The following LGSN variants were observed in gnomAD, a reference collection of about 807,000 sequenced individuals.
LGSN encodes the protein lengsin.
A neutral mutation model predicts 19.5 loss-of-function variants in LGSN; 21 were observed. That is an observed-to-expected ratio of 1.07 (90% CI 0.76 to 1.55). The LOEUF is 1.55. Ranked by LOEUF, LGSN falls within the 40% of genes most tolerant of loss-of-function variation. LGSN has a pLI of 0.00. For synonymous variants in LGSN, 257 were observed against 215.6 expected, an observed-to-expected ratio of 1.19 and a Z score of -1.68; for missense variants, 673 against 608.5, an observed-to-expected ratio of 1.11 and a Z score of -1.12.
chr6:63,546,667 T>C, the LGSN span, among the ~76,000 whole-genome samples: 24 of 152,012 alleles, frequency 1.6e-4, no homozygotes, highest in African/African-American at 5.6e-4. Context: ...GATCGTGCCA[T>C]TGTACTCCAG....
chr6:63,502,350 C>A, the LGSN span, among the ~76,000 whole-genome samples: 3 of 152,258 alleles, frequency 2.0e-5, no homozygotes, highest in Admixed American at 6.5e-5. Flanking sequence ...ATGCCAACTG[C>A]TTACCTGCTA....
At chr6:63,510,629 G>C in the LGSN span, among the ~76,000 whole-genome samples, 11 of 146,050 alleles carry the variant, frequency 7.5e-5, no homozygotes, top group Admixed American at 4.8e-4. Context: ...ACAGAAATAA[G>C]CAAAACATGT....
At chr6:63,461,605 C>T in the LGSN span, among the ~76,000 whole-genome samples, 2 of 152,146 alleles carry the variant, frequency 1.3e-5, no homozygotes, top group African/African-American at 4.8e-5. Context: ...TGATGACCAC[C>T]TCCAGAAGAG....
the LGSN span, chr6:63,572,593 G>GCCACCGCCGCTCCGCCACGA: frequency 9.6e-6 from 4 of 417,416 alleles, no homozygotes; most frequent in East Asian, 3.5e-5. Context: ...CTGCATCGCC[G>GCCACCGCCGCTCCGCCACGA]CCACCGCCGC....
upstream of LGSN, among the ~76,000 whole-genome samples, chr6:63,324,013 T>C (rs1769166167): frequency 6.6e-6 from 1 of 152,184 alleles, no homozygotes; most frequent in Non-Finnish European, 1.5e-5. Flanking sequence ...CCTCAGGTGA[T>C]CCACCTGCCT....
At chr6:63,292,365 G>C (rs975482148) in intron 2 of LGSN, among the ~76,000 whole-genome samples, 1 of 152,188 alleles carries the variant, frequency 6.6e-6, no homozygotes, top group Non-Finnish European at 1.5e-5. Context: ...GTGTACTAAA[G>C]GATTTAACCT....
chr6:63,486,820 T>TA, the LGSN span, among the ~76,000 whole-genome samples: 5 of 146,170 alleles, frequency 3.4e-5, no homozygotes, highest in African/African-American at 7.6e-5. Flanking sequence ...GTATGTTTAT[T>TA]TTATTATTAT....
At chr6:63,480,241 A>G in the LGSN span, 1 of 219,566 alleles carries the variant, frequency 4.6e-6, no homozygotes, top group Non-Finnish European at 1.0e-5. Flanking sequence ...CAGACGTGGC[A>G]GTAATTGAAG....
chr6:63,350,311 G>T, the LGSN span, among the ~76,000 whole-genome samples: 4 of 152,158 alleles, frequency 2.6e-5, no homozygotes, highest in East Asian at 7.7e-4. Context: ...TATTTCACAG[G>T]GTTGTTAGTA....
the LGSN span, among the ~76,000 whole-genome samples, chr6:63,336,561 G>GTGTGTATA: frequency 7.2e-4 from 92 of 127,572 alleles, no homozygotes; most frequent in East Asian, 3.7e-3. Context: ...GTGTGTGTGT[G>GTGTGTATA]TATATATATA....
chr6:63,299,180 T>C (rs1184339317), intron 1 of LGSN, among the ~76,000 whole-genome samples: 1 of 152,176 alleles, frequency 6.6e-6, no homozygotes, highest in Non-Finnish European at 1.5e-5. Context: ...TTGAACTAAA[T>C]TGGTCTCCAA....
the LGSN span, among the ~76,000 whole-genome samples, chr6:63,351,007 T>A: frequency 6.6e-6 from 1 of 152,122 alleles, no homozygotes; most frequent in South Asian, 2.1e-4. Flanking sequence ...CCACCCAAAT[T>A]CATATGTGGA....
At chr6:63,309,533 C>A (rs770075668) in intron 1 of LGSN, among the ~76,000 whole-genome samples, 2 of 152,074 alleles carry the variant, frequency 1.3e-5, no homozygotes, top group Non-Finnish European at 2.9e-5. Context: ...TTTAAAACTG[C>A]CCATTTTTAT....
At chr6:63,310,183 T>C (rs1768566560) in intron 1 of LGSN, among the ~76,000 whole-genome samples, 1 of 152,192 alleles carries the variant, frequency 6.6e-6, no homozygotes, top group African/African-American at 2.4e-5. Flanking sequence ...CCTGTCCTGA[T>C]AAGACAGTTA....
At chr6:63,560,505 T>C in the LGSN span, among the ~76,000 whole-genome samples, 3 of 151,006 alleles carry the variant, frequency 2.0e-5, no homozygotes, top group Admixed American at 6.6e-5. Context: ...CGAGTTCAAG[T>C]GATTCTCCTG....
chr6:63,446,342 C>G, the LGSN span, among the ~76,000 whole-genome samples: 2 of 151,312 alleles, frequency 1.3e-5, no homozygotes, highest in Admixed American at 1.3e-4. Flanking sequence ...AGGAAATGGG[C>G]CTTCTCACAG....
chr6:63,538,397 T>C, the LGSN span, among the ~76,000 whole-genome samples: 1 of 152,244 alleles, frequency 6.6e-6, no homozygotes, highest in Non-Finnish European at 1.5e-5. Context: ...CTGAATGATT[T>C]AGCAATTGAA....
At chr6:63,324,228 A>G (rs966108642), upstream of LGSN, among the ~76,000 whole-genome samples, 2 of 152,232 alleles carry the variant, frequency 1.3e-5, no homozygotes, top group African/African-American at 4.8e-5. Context: ...TGGAATCCCT[A>G]GGGGTCCCTG....
intron 1 of LGSN, among the ~76,000 whole-genome samples, chr6:63,308,832 T>C (rs954438306): frequency 2.0e-5 from 3 of 152,174 alleles, no homozygotes; most frequent in Non-Finnish European, 2.9e-5. Flanking sequence ...GAGGAAAGAA[T>C]GTGCCTTCAG....
Sources: gnomAD v4.1 joint callset for allele counts (sites outside exome capture counted in the v4.1 genomes callset) on GRCh38, gnomAD v4.1.1 for gene constraint, MANE v1.5 for transcripts, NCBI Gene and HGNC (gene_info 2026-07-23, HGNC 2026-07-21) for gene names.